The following ABCC4 variants were observed in gnomAD, a reference collection of about 807,000 sequenced individuals.
ABCC4 encodes ATP binding cassette subfamily C member 4 (PEL blood group).
A neutral mutation model predicts 168.5 loss-of-function variants in ABCC4; 102 were observed. The observed-to-expected ratio is 0.61, with a 90% CI of 0.52 to 0.71. The LOEUF is 0.71. ABCC4 is among the 30% of genes least tolerant of loss of function. The pLI is 0.00. For synonymous variants in ABCC4, 617 were observed against 590.7 expected, an observed-to-expected ratio of 1.04 and a Z score of -0.65; for missense variants, 1,402 against 1,605.8, an observed-to-expected ratio of 0.87 and a Z score of 2.17.
intron 1 of ABCC4, among the ~76,000 whole-genome samples, chr13:95,290,994 T>A (rs2041388800): frequency 0.01 from 1 of 96 alleles, no homozygotes; most frequent in African/African-American, 0.038. Context: ...CAAGACCCTG[T>A]CTCAAAAAAA....
intron 4 of ABCC4, among the ~76,000 whole-genome samples, chr13:95,213,122 A>T (rs1407330224): frequency 2.7e-5 from 2 of 74,842 alleles, no homozygotes; most frequent in Non-Finnish European, 7.4e-5. Context: ...GCAAGATTCC[A>T]TCTTAAAAAA....
intron 1 of ABCC4, among the ~76,000 whole-genome samples, chr13:95,294,745 G>A (rs556045660): frequency 1.8e-4 from 28 of 152,244 alleles, no homozygotes; most frequent in Non-Finnish European, 3.4e-4. Flanking sequence ...CCGAGGTCAG[G>A]AGTTCAAGAC....
intron 30 of ABCC4, among the ~76,000 whole-genome samples, chr13:95,022,816 C>T (rs143330609): frequency 1.4e-4 from 22 of 152,320 alleles, no homozygotes; most frequent in African/African-American, 4.8e-4. Flanking sequence ...CACCTGCCTA[C>T]ATATTAAGTG....
At chr13:95,064,124 A>G (rs2033403661) in intron 25 of ABCC4, among the ~76,000 whole-genome samples, 1 of 152,038 alleles carries the variant, frequency 6.6e-6, no homozygotes, top group South Asian at 2.1e-4. Flanking sequence ...AAATATAAAA[A>G]TGTAAATGTT....
chr13:95,119,433 TGA>T (rs371638428), intron 19 of ABCC4, among the ~76,000 whole-genome samples: 11 of 150,422 alleles, frequency 7.3e-5, no homozygotes, highest in Admixed American at 1.3e-4. Context: ...AATTTTCCTC[TGA>T]GAGAGAGAGA....
chr13:95,216,609 A>C (rs9516541), intron 4 of ABCC4, among the ~76,000 whole-genome samples: 276 of 6,292 alleles, frequency 0.044, 58 homozygotes, highest in Non-Finnish European at 0.09. Flanking sequence ...GGAAATTCAC[A>C]AAAAAAAAAA....
intron 11 of ABCC4, among the ~76,000 whole-genome samples, chr13:95,178,516 T>C (rs1469848900): frequency 6.6e-6 from 1 of 152,088 alleles, no homozygotes; most frequent in Non-Finnish European, 1.5e-5. Context: ...CCACTTTATA[T>C]AGGGAGGTCA....
intron 19 of ABCC4, among the ~76,000 whole-genome samples, chr13:95,159,083 T>C (rs1486392395): frequency 4.1e-5 from 4 of 97,210 alleles, no homozygotes; most frequent in African/African-American, 1.5e-4. Context: ...ACCTTATTTC[T>C]AAATAAATTT....
intron 1 of ABCC4, among the ~76,000 whole-genome samples, chr13:95,297,131 T>C (rs6492778): frequency 0.92 from 139,578 of 151,852 alleles, 64,624 homozygotes; most frequent in Non-Finnish European, 0.97. Context: ...ATTAGCCAGG[T>C]ATGGTGGTGG....
chr13:95,183,935 C>T (rs1402873464), intron 11 of ABCC4, among the ~76,000 whole-genome samples: 5 of 151,618 alleles, frequency 3.3e-5, no homozygotes, highest in East Asian at 3.9e-4. Flanking sequence ...AAAGTGACAG[C>T]GAGCAAATGA....
intron 1 of ABCC4, among the ~76,000 whole-genome samples, chr13:95,283,477 C>T (rs1261125897): frequency 3.3e-5 from 5 of 151,448 alleles, no homozygotes; most frequent in South Asian, 4.2e-4. Flanking sequence ...TCAAGCAATG[C>T]CCCCATCTCA....
At chr13:95,069,186 C>T (rs1028323139) in intron 25 of ABCC4, among the ~76,000 whole-genome samples, 8 of 152,182 alleles carry the variant, frequency 5.3e-5, no homozygotes, top group African/African-American at 1.4e-4. Context: ...ACCCAGAGAA[C>T]GGGCTGTTGC....
chr13:95,216,473 G>T (rs550452053), intron 4 of ABCC4, among the ~76,000 whole-genome samples: 1 of 152,096 alleles, frequency 6.6e-6, no homozygotes, highest in East Asian at 1.9e-4. Flanking sequence ...AAAACAAACT[G>T]AAATCAAAAC....
chr13:95,301,264 G>T lies in ABCC4; in HGVS notation c.51C>A (p.Asn17Lys), dbSNP rs1566613743. ...ACCAGAAGAACACGCGTGAGCAGAG[G>T]TTCGCGTCCTGCAGCGGGTTGGGCT... ...EVKPNPLQDA[N>K]LCSRVFFWWL... Residue 17 changes from asparagine to lysine, a missense_variant, in exon 1 of 31, where the codon AAC becomes AAA. Asn to Lys is a moderately conservative substitution (Grantham distance 94). Transcript: ENST00000645237. 3.8e-6 allele frequency: 6 copies of T among 1,595,630 alleles called. No homozygotes were observed. The highest frequency in any genetic ancestry group is 3.3e-4 in the Middle Eastern group (2 of 6,012).
At chr13:95,029,827 AACCGGAGCAGT>A (rs1466290072) in intron 30 of ABCC4, among the ~76,000 whole-genome samples, 1 of 152,214 alleles carries the variant, frequency 6.6e-6, no homozygotes, top group African/African-American at 2.4e-5. Context: ...ACAGTGAAGA[AACCGGAGCAGT>A]ACTGCAATCC....
chr13:95,178,872 A>C (rs1028028097), intron 11 of ABCC4, among the ~76,000 whole-genome samples: 6 of 152,154 alleles, frequency 3.9e-5, no homozygotes, highest in African/African-American at 1.4e-4. Context: ...TCATGTGCTG[A>C]ACAAATTTTA....
chr13:95,129,555 C>A (rs910005231), intron 19 of ABCC4, among the ~76,000 whole-genome samples: 4 of 152,054 alleles, frequency 2.6e-5, no homozygotes, highest in Admixed American at 6.6e-5. Flanking sequence ...TTATATCCTG[C>A]TATCCTATGA....
chr13:95,217,903 CTGATCCATCT>C (rs2039168677), intron 4 of ABCC4, among the ~76,000 whole-genome samples: 1 of 152,150 alleles, frequency 6.6e-6, no homozygotes, highest in African/African-American at 2.4e-5. Context: ...CGGGTACTTC[CTGATCCATCT>C]TGCCCCTGGC....
At chr13:95,072,643 A>G (rs2033771450) in intron 24 of ABCC4, among the ~76,000 whole-genome samples, 1 of 152,208 alleles carries the variant, frequency 6.6e-6, no homozygotes, top group African/African-American at 2.4e-5. Flanking sequence ...CAAATATTTA[A>G]AACATTGATT....
Sources: allele counts gnomAD v4.1 joint callset (sites outside exome capture counted in the v4.1 genomes callset), GRCh38; gene constraint gnomAD v4.1.1; transcripts MANE v1.5; gene names NCBI Gene and HGNC (gene_info 2026-07-23, HGNC 2026-07-21).